Variants in RPTOR observed in about 807,000 individuals in gnomAD.
The protein encoded by RPTOR is regulatory associated protein of MTOR complex 1.
In RPTOR, 21 loss-of-function variants were observed where a neutral mutation model predicts 169.9. That is an observed-to-expected ratio of 0.12 (90% CI 0.09 to 0.18). RPTOR has a LOEUF of 0.18. Among genes scored for constraint, RPTOR ranks in the 10% least tolerant of loss-of-function variants. The pLI, the probability that RPTOR is intolerant of heterozygous loss-of-function variation, is 1.00. For synonymous variants in RPTOR, 732 were observed against 753.2 expected (o/e 0.97, Z 0.46); for missense variants, 1,133 against 1,855.9 (o/e 0.61, Z 7.16).
chr17:80,854,146 G>A (rs1403180438), intron 11 of RPTOR, among the ~76,000 whole-genome samples: 4 of 152,154 alleles, frequency 2.6e-5, no homozygotes, highest in African/African-American at 9.7e-5. Context: ...TGGGGAAATG[G>A]CCCATCAACC....
chr17:80,949,976 C>A (rs758701061), intron 28 of RPTOR, among the ~76,000 whole-genome samples: 1 of 152,258 alleles, frequency 6.6e-6, no homozygotes, highest in East Asian at 1.9e-4. Flanking sequence ...CTCACGCGCT[C>A]GCTGGCATGC....
intron 27 of RPTOR, among the ~76,000 whole-genome samples, chr17:80,949,080 C>T (rs549720893): frequency 1.1e-4 from 16 of 152,280 alleles, no homozygotes; most frequent in East Asian, 5.8e-4. Flanking sequence ...CCCACCCAAC[C>T]GAGCTTCACC....
intron 17 of RPTOR, among the ~76,000 whole-genome samples, chr17:80,891,375 G>A (rs759493625): frequency 5.3e-5 from 8 of 152,220 alleles, no homozygotes; most frequent in Non-Finnish European, 8.8e-5. Context: ...AGTGGTCACC[G>A]TAAGCGAGAG....
At position 80,861,719 on chromosome 17, in the gene RPTOR, G is replaced by A. The variant is rs1327199797; in HGVS notation, c.1509+3819G>A. Reference sequence around the variant, plus strand: ...CAGAGGTCTGGGATTACGGCCGCCTGAGCCTGCTCCCCAGCACCGCCAGTG... The same window carrying A: ...CAGAGGTCTGGGATTACGGCCGCCTAAGCCTGCTCCCCAGCACCGCCAGTG... On this transcript the variant is annotated intron_variant, in intron 13 of 33. Coordinates refer to ENST00000306801, the MANE Select transcript of RPTOR (RefSeq NM_020761.3). The surrounding 1 kb of genome is among the most constrained non-coding windows in gnomAD (Gnocchi z 4.5). Among the ~76,000 whole-genome samples, 1 of 152,200 alleles carries A rather than the reference G, an allele frequency of 6.6e-6. No homozygotes were observed. The highest frequency in any genetic ancestry group is 1.5e-5 in the Non-Finnish European group (1 of 68,036).
chr17:80,640,135 A>G (rs1237521821), intron 2 of RPTOR, among the ~76,000 whole-genome samples: 2 of 152,156 alleles, frequency 1.3e-5, no homozygotes, highest in East Asian at 3.9e-4. Context: ...CCATCCACCT[A>G]CCCATCCATT....
chr17:80,700,844 G>C (rs1179927021), intron 3 of RPTOR, among the ~76,000 whole-genome samples: 2 of 103,086 alleles, frequency 1.9e-5, no homozygotes, highest in African/African-American at 3.5e-5. Context: ...GGTGATGGTA[G>C]AGATGATGGT....
intron 1 of RPTOR, among the ~76,000 whole-genome samples, chr17:80,580,336 GT>G (rs1367329307): frequency 2.6e-5 from 4 of 152,304 alleles, no homozygotes. Context: ...GAATTGGCAC[GT>G]TTTGCAAAAT....
intron 20 of RPTOR, among the ~76,000 whole-genome samples, chr17:80,902,876 A>G (rs1019200368): frequency 3.9e-5 from 6 of 152,234 alleles, no homozygotes; most frequent in Non-Finnish European, 7.4e-5. Flanking sequence ...CGTCTCGGCC[A>G]GAGTCCAAGC....
Position 80,754,166 on chromosome 17 carries a change from A to T in RPTOR, c.811A>T (p.Ile271Phe). 6.2e-7 allele frequency: 1 copy of T among 1,608,254 alleles called. No individual in the cohort carries two copies. Among genetic ancestry groups the T allele is most frequent in the Non-Finnish European group, 8.5e-7 (1 of 1,176,766 alleles). The change falls in exon 6 of 34, where the codon ATC becomes TTC. Residue 271 changes from isoleucine to phenylalanine, a missense_variant. By Grantham distance (21) the Ile-to-Phe change is conservative. This residue lies in a region of RPTOR where 289 missense variants were observed against 585.8 expected (regional missense o/e 0.49). Coordinates refer to ENST00000306801, the MANE Select transcript of RPTOR (RefSeq NM_020761.3). The surrounding 1 kb of genome is among the most constrained non-coding windows in gnomAD (Gnocchi z 4.2). ...DLFTSCLTTP[I>F]KIALRWFCMQ... is the part of the protein sequence containing the mutation. ...ATTCACCTCCTGCCTCACCACCCCC[A>T]TCAAGATCGCCCTGCGCTGGTGAGT...
intron 3 of RPTOR, among the ~76,000 whole-genome samples, chr17:80,648,757 G>C (rs1301565584): frequency 3.3e-5 from 5 of 152,074 alleles, no homozygotes; most frequent in Non-Finnish European, 5.9e-5. Context: ...TGGCTTGGCT[G>C]TGTCCCCACC....
At chr17:80,722,181 G>GTCA (rs997458004) in intron 4 of RPTOR, among the ~76,000 whole-genome samples, 19 of 150,788 alleles carry the variant, frequency 1.3e-4, no homozygotes, top group South Asian at 8.3e-4. Context: ...GCAAAGTGCC[G>GTCA]TCATCATCAT....
At chr17:80,898,665 CCGCTCCCCCCA>C (rs2068436702) in intron 20 of RPTOR, among the ~76,000 whole-genome samples, 1 of 126,110 alleles carries the variant, frequency 7.9e-6, no homozygotes, top group Non-Finnish European at 1.7e-5. Flanking sequence ...CGCTCCCCCC[CCGCTCCCCCCA>C]CCCCCCGCCG....
chr17:80,707,544 C>T lies in RPTOR; in HGVS notation c.349-297C>T, dbSNP rs531330023. ...CTGGGACTACAGGTGTGTGCCACCACACCTGGCTAATTTTTTTTTTTTTTA... is the reference window on the plus strand; with the variant it reads ...CTGGGACTACAGGTGTGTGCCACCATACCTGGCTAATTTTTTTTTTTTTTA... On this transcript the variant is annotated intron_variant, in intron 3 of 33. Coordinates refer to ENST00000306801, the MANE Select transcript of RPTOR (RefSeq NM_020761.3). This position sits in a 1 kb window ranked among gnomAD's most constrained non-coding sequence, Gnocchi z 5.0. Among the ~76,000 whole-genome samples the T allele has an allele frequency of 6.6e-6, 1 of 152,096 alleles. No homozygotes were observed. The highest frequency in any genetic ancestry group is 2.4e-5 in the African/African-American group (1 of 41,488).
chr17:80,670,880 G>A (rs1299100665), intron 3 of RPTOR, among the ~76,000 whole-genome samples: 2 of 151,958 alleles, frequency 1.3e-5, no homozygotes, highest in African/African-American at 4.8e-5. Flanking sequence ...TCAGGGGAAT[G>A]GATTCTCCCT....
intron 1 of RPTOR, among the ~76,000 whole-genome samples, chr17:80,606,652 T>A (rs996099121): frequency 6.6e-6 from 1 of 152,214 alleles, no homozygotes; most frequent in Non-Finnish European, 1.5e-5. Flanking sequence ...GTGATGACAC[T>A]GTGGGAAATC....
intron 3 of RPTOR, among the ~76,000 whole-genome samples, chr17:80,674,334 C>T (rs1237383428): frequency 2.0e-5 from 3 of 152,102 alleles, no homozygotes; most frequent in African/African-American, 7.2e-5. Context: ...TTCACCTTTC[C>T]GGAAAGAAGA....
intron 11 of RPTOR, among the ~76,000 whole-genome samples, chr17:80,854,702 G>T (rs1212696484): frequency 2.6e-5 from 4 of 152,220 alleles, no homozygotes; most frequent in Non-Finnish European, 5.9e-5. Flanking sequence ...AGACCTGCAT[G>T]GGCAATGTAG....
intron 1 of RPTOR, among the ~76,000 whole-genome samples, chr17:80,579,339 A>G (rs1224921673): frequency 3.3e-5 from 5 of 152,134 alleles, no homozygotes; most frequent in African/African-American, 1.2e-4. Flanking sequence ...GATTACAGGC[A>G]TGCACCACCA....
intron 3 of RPTOR, among the ~76,000 whole-genome samples, chr17:80,685,822 C>G (rs959250117): frequency 6.6e-6 from 1 of 150,784 alleles, no homozygotes; most frequent in African/African-American, 2.4e-5. Flanking sequence ...TAGTCGTAAG[C>G]GTAAGATGGA....
Sources: gnomAD v4.1 joint callset for allele counts (sites outside exome capture counted in the v4.1 genomes callset) on GRCh38, gnomAD v4.1.1 for gene constraint, gnomAD v4.1.1 regional missense constraint, Gnocchi (gnomAD v3.1) non-coding constraint, MANE v1.5 for transcripts, NCBI Gene and HGNC (gene_info 2026-07-23, HGNC 2026-07-21) for gene names.